EPDR1: variants seen among roughly 807,000 people sequenced by gnomAD.
EPDR1 encodes ependymin related 1, also known as mammalian ependymin-related protein 1.
Under a neutral mutation model 23.7 loss-of-function variants are expected in EPDR1, and 27 were observed. The ratio of observed to expected loss-of-function variants is 1.14; its 90% CI spans 0.84 to 1.57. The LOEUF is 1.57. Among genes scored for constraint, EPDR1 ranks in the 40% most tolerant of loss-of-function variants. EPDR1 has a pLI of 0.00. For missense variants in EPDR1, 349 were observed against 290.4 expected (o/e 1.20, Z -1.47); for synonymous variants, 137 against 118.2 (o/e 1.16, Z -1.03).
intron 1 of EPDR1, among the ~76,000 whole-genome samples, chr7:37,931,035 T>C (rs1393050419): frequency 5.2e-4 from 77 of 148,916 alleles, no homozygotes; most frequent in Admixed American, 5.1e-3. Flanking sequence ...CATGTTTTAG[T>C]CAGCTAGAGA....
At chr7:37,938,359 G>A (rs573288074) in intron 1 of EPDR1, among the ~76,000 whole-genome samples, 4 of 152,274 alleles carry the variant, frequency 2.6e-5, no homozygotes, top group African/African-American at 9.6e-5. Flanking sequence ...CTGTCAAGTG[G>A]ATGATTAATG....
At chr7:37,948,190 T>C (rs1268715199) in intron 1 of EPDR1, among the ~76,000 whole-genome samples, 1 of 151,864 alleles carries the variant, frequency 6.6e-6, no homozygotes, top group Non-Finnish European at 1.5e-5. Context: ...AAGAGTCAAG[T>C]CCTCCTGTGT....
chr7:37,928,253 C>A (rs1785856922), intron 1 of EPDR1, among the ~76,000 whole-genome samples: 2 of 152,304 alleles, frequency 1.3e-5, no homozygotes, highest in East Asian at 3.9e-4. Context: ...TGGTCAGGGG[C>A]AAAGTGCCCA....
intron 1 of EPDR1, among the ~76,000 whole-genome samples, chr7:37,936,618 G>A (rs970357099): frequency 1.3e-5 from 2 of 152,006 alleles, no homozygotes; most frequent in Non-Finnish European, 2.9e-5. Flanking sequence ...AAGTAAGGTG[G>A]CTATATGTAA....
chr7:37,922,922 T>C (rs1000197473), intron 1 of EPDR1, among the ~76,000 whole-genome samples: 3 of 152,118 alleles, frequency 2.0e-5, no homozygotes, highest in Non-Finnish European at 2.9e-5. Flanking sequence ...TGAGAGTGAG[T>C]TCCAAAACAC....
chr7:37,925,793 A>G (rs190991581), intron 1 of EPDR1, among the ~76,000 whole-genome samples: 233 of 152,348 alleles, frequency 1.5e-3, no homozygotes, highest in Admixed American at 4.6e-3. Flanking sequence ...TACAGATAGT[A>G]TTAAATGATA....
At chr7:37,939,012 T>C (rs1486106786) in intron 1 of EPDR1, among the ~76,000 whole-genome samples, 1 of 150,402 alleles carries the variant, frequency 6.6e-6, no homozygotes, top group Non-Finnish European at 1.5e-5. Context: ...GGAGTCTCAC[T>C]CTGTTGCCCA....
chr7:37,931,950 T>G (rs1343821279), intron 1 of EPDR1, among the ~76,000 whole-genome samples: 1 of 152,166 alleles, frequency 6.6e-6, no homozygotes, highest in African/African-American at 2.4e-5. Flanking sequence ...CCTCGTGATC[T>G]GCCCACCTTG....
At chr7:37,941,522 G>A (rs1019453813) in intron 1 of EPDR1, among the ~76,000 whole-genome samples, 3 of 152,120 alleles carry the variant, frequency 2.0e-5, no homozygotes, top group African/African-American at 2.4e-5. Flanking sequence ...AACTCAAATC[G>A]AAAAGAGCCT....
chr7:37,951,853 GC>G lies in EPDR1; in HGVS notation c.*1458del, dbSNP rs1786414559. 1 of 152,082 alleles carries G rather than the reference GC, an allele frequency of 6.6e-6. No homozygotes were observed. Among genetic ancestry groups the G allele is most frequent in the African/African-American group, 2.4e-5 (1 of 41,396 alleles). 9.4% of individuals were successfully genotyped at this position (152,082 alleles called of 1,614,324 possible). ...TTTTAAAGCATTCTTTGATACTGTTGCTTTTGCAATAAATATGGATAATCTT... is the reference window on the plus strand; with the variant it reads ...TTTTAAAGCATTCTTTGATACTGTTGTTTTGCAATAAATATGGATAATCTT... On this transcript the variant is annotated 3_prime_UTR_variant, in exon 3 of 3. Coordinates refer to ENST00000199448, the MANE Select transcript of EPDR1 (RefSeq NM_017549.5).
rs763220852 is a variant in EPDR1, at chr7:37,948,817, ACTT to A, written c.270-19_270-17del. ...GGATGGTAACATGAAGTCCCAAACTACTTCTTTCCATCTGTGTTTCAGATTATT... is the reference window on the plus strand; with the variant it reads ...GGATGGTAACATGAAGTCCCAAACTACTTTCCATCTGTGTTTCAGATTATT... On this transcript the variant is annotated intron_variant, in intron 1 of 2. Transcript: ENST00000199448. 6.2e-7 allele frequency: 1 copy of A among 1,601,056 alleles called. No homozygotes were observed. The highest frequency in any genetic ancestry group is 8.6e-7 in the Non-Finnish European group (1 of 1,168,616).
intron 1 of EPDR1, among the ~76,000 whole-genome samples, chr7:37,941,164 C>T (rs1786165480): frequency 6.6e-6 from 1 of 152,056 alleles, no homozygotes; most frequent in African/African-American, 2.4e-5. Flanking sequence ...TCCATGAGTC[C>T]AGAGTGGTAC....
At chr7:37,929,650 T>C (rs762813402) in intron 1 of EPDR1, among the ~76,000 whole-genome samples, 1 of 152,242 alleles carries the variant, frequency 6.6e-6, no homozygotes, top group Non-Finnish European at 1.5e-5. Flanking sequence ...AATGGTTTCA[T>C]GGTTTTTCAT....
chr7:37,927,629 C>T (rs1224884924), intron 1 of EPDR1, among the ~76,000 whole-genome samples: 1 of 152,188 alleles, frequency 6.6e-6, no homozygotes, highest in African/African-American at 2.4e-5. Flanking sequence ...TTTGGATTCT[C>T]AGTATGTCAT....
chr7:37,921,450 A>C (rs1457322906), intron 1 of EPDR1: 3 of 1,382,226 alleles, frequency 2.2e-6, no homozygotes, highest in Non-Finnish European at 2.8e-6. Context: ...AGGCGGTGGC[A>C]GGTAAAGAAG....
At chr7:37,948,209 G>A (rs1057285189) in intron 1 of EPDR1, among the ~76,000 whole-genome samples, 2 of 152,048 alleles carry the variant, frequency 1.3e-5, no homozygotes, top group Non-Finnish European at 2.9e-5. Flanking sequence ...GTCTCTGTGG[G>A]TAAACAAAAG....
Position 37,951,811 on chromosome 7 carries a change from A to T in EPDR1, c.*1415A>T, listed in dbSNP as rs1562866460. 1 of 128,286 alleles carries T rather than the reference A, an allele frequency of 7.8e-6. No individual in the cohort carries two copies. The highest frequency in any genetic ancestry group is 8.1e-5 in the Admixed American group (1 of 12,296). The allele number at this position is 128,286 out of a possible 1,614,324, so 7.9% of individuals were successfully genotyped here. ...TCATTACTTATAGTTTATCTATATT[A>T]AACAAATTTAATTGCATTTTAAAGC... On this transcript the variant is annotated 3_prime_UTR_variant, in exon 3 of 3. Coordinates refer to ENST00000199448, the MANE Select transcript of EPDR1 (RefSeq NM_017549.5).
intron 1 of EPDR1, among the ~76,000 whole-genome samples, chr7:37,941,473 A>G (rs1786171428): frequency 6.6e-6 from 1 of 152,252 alleles, no homozygotes; most frequent in Non-Finnish European, 1.5e-5. Flanking sequence ...TCCAAAGTAT[A>G]CAACCTCACC....
intron 1 of EPDR1, among the ~76,000 whole-genome samples, chr7:37,923,775 T>C (rs991345226): frequency 5.3e-5 from 8 of 152,314 alleles, no homozygotes; most frequent in Admixed American, 4.6e-4. Flanking sequence ...TAAAGCTTTC[T>C]GAGTCTCAGT....
Sources: gnomAD v4.1 joint callset for allele counts (sites outside exome capture counted in the v4.1 genomes callset) on GRCh38, gnomAD v4.1.1 for gene constraint, MANE v1.5 for transcripts, NCBI Gene and HGNC (gene_info 2026-07-23, HGNC 2026-07-21) for gene names.